ZBTB7A: variants seen among roughly 807,000 people sequenced by gnomAD.
ZBTB7A encodes zinc finger and BTB domain containing 7A.
In ZBTB7A, 7 loss-of-function variants were observed where a neutral mutation model predicts 26.7. The ratio of observed to expected loss-of-function variants is 0.26; its 90% confidence interval spans 0.15 to 0.49. ZBTB7A has a LOEUF of 0.49. Ranked by LOEUF, ZBTB7A falls within the 20% of genes least tolerant of loss-of-function variation. The pLI is 0.98. For synonymous variants in ZBTB7A, 452 were observed against 441.0 expected (o/e 1.02, Z -0.31); for missense variants, 617 against 919.5 (o/e 0.67, Z 4.25).
chr19:4,050,222 G>A (rs938760854), intron 2 of ZBTB7A, among the ~76,000 whole-genome samples: 4 of 152,166 alleles, frequency 2.6e-5, no homozygotes, highest in Non-Finnish European at 5.9e-5. Context: ...ACCACACCTG[G>A]CTGATTTTTG....
At chr19:4,063,769 G>C (rs2040662922) in intron 1 of ZBTB7A, among the ~76,000 whole-genome samples, 1 of 152,162 alleles carries the variant, frequency 6.6e-6, no homozygotes, top group East Asian at 1.9e-4. Context: ...TGGAGCACAG[G>C]GGGCAGCTCT....
chr19:4,065,944 G>A (rs1294786699), intron 1 of ZBTB7A, among the ~76,000 whole-genome samples: 6 of 136,928 alleles, frequency 4.4e-5, no homozygotes, highest in Non-Finnish European at 7.9e-5. Flanking sequence ...CGCGCCGCGC[G>A]ATCGGCCCGC....
chr19:4,059,899 G>T (rs925179632), intron 1 of ZBTB7A, among the ~76,000 whole-genome samples: 9 of 152,144 alleles, frequency 5.9e-5, no homozygotes, highest in African/African-American at 2.2e-4. Context: ...AAAAGTCCCC[G>T]AGTGCTGAAG....
At chr19:4,057,102 A>T (rs1409736704) in intron 1 of ZBTB7A, among the ~76,000 whole-genome samples, 1 of 151,742 alleles carries the variant, frequency 6.6e-6, no homozygotes, top group Non-Finnish European at 1.5e-5. Flanking sequence ...TAATCCCAGC[A>T]CTTTGGGAAG....
Position 4,048,754 on chromosome 19 carries a change from G to C in ZBTB7A, c.1263-510C>G, listed in dbSNP as rs767162226. ...CGTAATGCCAGCTATTAGGAAGGCTGAGGCAGGAGGATCACTTGTATCTGG... is the reference window on the plus strand; with the variant it reads ...CGTAATGCCAGCTATTAGGAAGGCTCAGGCAGGAGGATCACTTGTATCTGG... On this transcript the variant is annotated intron_variant, in intron 2 of 2. Transcript: ENST00000322357. This position sits in a 1 kb window ranked among gnomAD's most constrained non-coding sequence, Gnocchi z 6.7. Among the ~76,000 whole-genome samples, 8 of 152,024 alleles carry C rather than the reference G, an allele frequency of 5.3e-5. No homozygotes were observed. Among genetic ancestry groups the C allele is most frequent in the Non-Finnish European group, 1.2e-4 (8 of 67,994 alleles).
At chr19:4,061,153 T>TGCCAGGCTGTTCACCACCCCTC (rs2040633851) in intron 1 of ZBTB7A, among the ~76,000 whole-genome samples, 1 of 152,152 alleles carries the variant, frequency 6.6e-6, no homozygotes, top group African/African-American at 2.4e-5. Flanking sequence ...CAAAACACAT[T>TGCCAGGCTGTTCACCACCCCTC]GCCAGGCTGT....
intron 1 of ZBTB7A, among the ~76,000 whole-genome samples, chr19:4,055,775 A>G (rs1419243604): frequency 2.0e-5 from 3 of 152,166 alleles, no homozygotes. Context: ...GTGAGCTGAG[A>G]TCACGCCACT....
Position 4,047,660 on chromosome 19 carries a change from C to G in ZBTB7A, c.*92G>C. On this transcript the variant is annotated 3_prime_UTR_variant, in exon 3 of 3. Coordinates refer to ENST00000322357, the MANE Select transcript of ZBTB7A (RefSeq NM_015898.4). ...AGATATCTGTATATAGATAGATTTT[C>G]TTTTTTTGTGTTTTTGGGGGGGTGG... 7.1e-7 allele frequency: 1 copy of G among 1,403,446 alleles called. No homozygotes were observed. The highest frequency in any genetic ancestry group is 1.4e-5 in the South Asian group (1 of 73,366). The allele number at this position is 1,403,446 out of a possible 1,614,324, so 86.9% of individuals were successfully genotyped here.
At chr19:4,063,003 C>A (rs566037019) in intron 1 of ZBTB7A, among the ~76,000 whole-genome samples, 47 of 148,314 alleles carry the variant, frequency 3.2e-4, no homozygotes, top group Admixed American at 2.0e-4. Flanking sequence ...TGCTCACCCC[C>A]ACCCAAGGCT....
intron 1 of ZBTB7A, among the ~76,000 whole-genome samples, chr19:4,064,357 A>C (rs1169183396): frequency 6.6e-6 from 1 of 152,008 alleles, no homozygotes; most frequent in Non-Finnish European, 1.5e-5. Flanking sequence ...CTGTCTCCAC[A>C]GCGATGGCTG....
Position 4,057,867 on chromosome 19 carries a change from C to T in ZBTB7A, c.-15-2620G>A, listed in dbSNP as rs886201443. On this transcript the variant is annotated intron_variant, in intron 1 of 2. Transcript: ENST00000322357. ...CGAACCCCACCGGCAGCACCCACTCCGTCGTGAGCTGAGGCCACTTGCCCG... is the reference window on the plus strand; with the variant it reads ...CGAACCCCACCGGCAGCACCCACTCTGTCGTGAGCTGAGGCCACTTGCCCG... 3.9e-4 allele frequency among the ~76,000 whole-genome samples: 59 copies of T among 152,172 alleles called. 2 individuals are homozygous for T. Among genetic ancestry groups the T allele is most frequent in the East Asian group, 3.8e-4 (2 of 5,200 alleles).
At chr19:4,058,194 A>G (rs1568236322) in intron 1 of ZBTB7A, among the ~76,000 whole-genome samples, 1 of 152,170 alleles carries the variant, frequency 6.6e-6, no homozygotes, top group Non-Finnish European at 1.5e-5. Context: ...GGCTGTGAGT[A>G]ACAGAGACCG....
At chr19:4,049,736 CT>C (rs1003251130) in intron 2 of ZBTB7A, among the ~76,000 whole-genome samples, 1 of 152,190 alleles carries the variant, frequency 6.6e-6, no homozygotes, top group Non-Finnish European at 1.5e-5. Context: ...CGTCACTCCC[CT>C]ATCTGGGCTC....
chr19:4,046,792 A>C lies in ZBTB7A; in HGVS notation c.*960T>G, dbSNP rs2144968382. ...TTTATATATATATATATATCTATAT[A>C]TAAATTTTGTTTTTAAGGAGGAAAG... On this transcript the variant is annotated 3_prime_UTR_variant, in exon 3 of 3. Coordinates refer to ENST00000322357, the MANE Select transcript of ZBTB7A (RefSeq NM_015898.4). 6.8e-6 allele frequency: 1 copy of C among 147,830 alleles called. No homozygotes were observed. Among genetic ancestry groups the C allele is most frequent in the African/African-American group, 2.5e-5 (1 of 40,808 alleles). 9.2% of individuals were successfully genotyped at this position (147,830 alleles called of 1,614,324 possible).
At chr19:4,061,893 G>A (rs987002251) in intron 1 of ZBTB7A, 1 of 152,288 alleles carries the variant, frequency 6.6e-6, no homozygotes, top group African/African-American at 2.4e-5. Context: ...ACAGTGGAGG[G>A]GCTGAGCTTC....
At chr19:4,055,912 G>A (rs1351130827) in intron 1 of ZBTB7A, among the ~76,000 whole-genome samples, 1 of 152,172 alleles carries the variant, frequency 6.6e-6, no homozygotes, top group Admixed American at 6.5e-5. Context: ...CATGAACCAC[G>A]GCACCCGGCC....
intron 1 of ZBTB7A, among the ~76,000 whole-genome samples, chr19:4,063,427 G>GCCCTCACC: frequency 6.6e-6 from 1 of 152,200 alleles, no homozygotes; most frequent in African/African-American, 2.4e-5. Flanking sequence ...CCGCCTCTGA[G>GCCCTCACC]GACCAAGGTG....
In ZBTB7A at chr19:4,047,548, G is replaced by T. The variant is rs1460656565; in HGVS notation, c.*204C>A. 2.5e-6 allele frequency: 1 copy of T among 404,658 alleles called. No individual in the cohort carries two copies. 25.1% of individuals were successfully genotyped at this position (404,658 alleles called of 1,614,324 possible). ...GGGGCCCCTGCGGAGGGAGAAAAACGTCAGAAAGGAGGGAAATCTGAGAAA... is the reference window on the plus strand; with the variant it reads ...GGGGCCCCTGCGGAGGGAGAAAAACTTCAGAAAGGAGGGAAATCTGAGAAA... On this transcript the variant is annotated 3_prime_UTR_variant, in exon 3 of 3. Coordinates refer to ENST00000322357, the MANE Select transcript of ZBTB7A (RefSeq NM_015898.4).
chr19:4,050,927 C>T (rs546172128), intron 2 of ZBTB7A, among the ~76,000 whole-genome samples: 1 of 151,536 alleles, frequency 6.6e-6, no homozygotes, highest in East Asian at 1.9e-4. Flanking sequence ...GGTGAAACCC[C>T]GTCTCTACTA....
Sources: allele counts gnomAD v4.1 joint callset (sites outside exome capture counted in the v4.1 genomes callset), GRCh38; gene constraint gnomAD v4.1.1; non-coding constraint Gnocchi (gnomAD v3.1); transcripts MANE v1.5; gene names NCBI Gene and HGNC (gene_info 2026-07-23, HGNC 2026-07-21).